GRIK1: variants seen among roughly 807,000 people sequenced by gnomAD.
GRIK1 encodes glutamate ionotropic receptor kainate type subunit 1, also known as glutamate receptor ionotropic, kainate 1.
GRIK1 carries 69 observed loss-of-function variants against 105.7 expected under a neutral mutation model. The observed-to-expected ratio is 0.65, with a 90% CI of 0.54 to 0.80. The LOEUF is 0.80. GRIK1 is among the 30% of genes least tolerant of loss of function. The probability of loss-of-function intolerance (pLI) is 0.00; values close to 1 mark genes in which losing one functional copy is unlikely to be tolerated. For synonymous variants in GRIK1, 438 were observed against 431.3 expected, an observed-to-expected ratio of 1.02 and a Z score of -0.19; for missense variants, 1,109 against 1,167.3, an observed-to-expected ratio of 0.95 and a Z score of 0.73.
intron 1 of GRIK1, among the ~76,000 whole-genome samples, chr21:29,710,954 G>T (rs111331928): frequency 4.6e-5 from 7 of 151,276 alleles, no homozygotes; most frequent in African/African-American, 1.7e-4. Context: ...CCCATTCTTG[G>T]ATTGTCGCCT....
intron 4 of GRIK1, among the ~76,000 whole-genome samples, chr21:29,659,748 G>C (rs1165253820): frequency 1.3e-5 from 2 of 152,156 alleles, no homozygotes. Flanking sequence ...ATCACCTGAG[G>C]TCGGGAGTTC....
At chr21:29,676,875 A>G (rs1601429562) in intron 3 of GRIK1, among the ~76,000 whole-genome samples, 1 of 152,202 alleles carries the variant, frequency 6.6e-6, no homozygotes, top group Non-Finnish European at 1.5e-5. Flanking sequence ...GCCATGAGTG[A>G]TCCTGGGACA....
chr21:29,703,534 T>C (rs1337279023), intron 1 of GRIK1, among the ~76,000 whole-genome samples: 2 of 152,266 alleles, frequency 1.3e-5, no homozygotes, highest in African/African-American at 2.4e-5. Context: ...ATTCCAAGGC[T>C]ACAGATTTAA....
At chr21:29,848,779 A>ATATATATATATATATATATAT in intron 1 of GRIK1, among the ~76,000 whole-genome samples, 8 of 77,882 alleles carry the variant, frequency 1.0e-4, no homozygotes, top group African/African-American at 3.5e-4. Flanking sequence ...ATATATATAT[A>ATATATATATATATATATATAT]TTTTTTTTTT....
At chr21:29,701,778 T>C (rs1247621506) in intron 1 of GRIK1, among the ~76,000 whole-genome samples, 12 of 152,156 alleles carry the variant, frequency 7.9e-5, no homozygotes, top group Admixed American at 4.6e-4. Context: ...TGAGAGATGA[T>C]GATGGCTTTG....
intron 8 of GRIK1, chr21:29,596,848 G>C: frequency 2.2e-6 from 1 of 448,138 alleles, no homozygotes; most frequent in Non-Finnish European, 4.1e-6. Flanking sequence ...AATGTATACA[G>C]GTATGCTGCA....
chr21:29,575,932 T>G (rs1471471118), intron 14 of GRIK1, among the ~76,000 whole-genome samples: 1 of 152,232 alleles, frequency 6.6e-6, no homozygotes, highest in Non-Finnish European at 1.5e-5. Context: ...AACTCCATTT[T>G]TGGTAATCTG....
intron 1 of GRIK1, among the ~76,000 whole-genome samples, chr21:29,698,186 G>A (rs1271362054): frequency 6.6e-6 from 1 of 152,024 alleles, no homozygotes; most frequent in Non-Finnish European, 1.5e-5. Context: ...TTCATTTGGA[G>A]GCCCATTGGT....
chr21:29,707,466 C>CCTTCCTTCCTTCCTTCCTTCCTTCCTT, intron 1 of GRIK1, among the ~76,000 whole-genome samples: 1 of 15,432 alleles, frequency 6.5e-5, no homozygotes, highest in African/African-American at 1.3e-4. Flanking sequence ...CTCCCTCCCT[C>CCTTCCTTCCTTCCTTCCTTCCTTCCTT]CCTCCCTCTC....
chr21:29,575,336 C>A (rs1373646405), intron 14 of GRIK1, among the ~76,000 whole-genome samples: 1 of 151,860 alleles, frequency 6.6e-6, no homozygotes, highest in Non-Finnish European at 1.5e-5. Flanking sequence ...GGTGGCAGGG[C>A]TGACAGATGA....
At position 29,846,442 on chromosome 21, in the gene GRIK1, AAG is replaced by A. The variant is rs2068116410; in HGVS notation, c.118+92939_118+92940del. ...GAAAGAAAAAAATAAAGAAGGAAAG[AAG>A]GAAAGAAGGAAAGAGAGAGAGAAAG... On this transcript the variant is annotated intron_variant, in intron 1 of 17. Transcript: ENST00000327783. Among the ~76,000 whole-genome samples the A allele has an allele frequency of 2.4e-5, 3 of 127,296 alleles. No individual in the cohort carries two copies. The South Asian group carries it at 7.8e-4, about 33-fold the overall frequency. 83.5% of individuals were successfully genotyped at this position (127,296 alleles called of 152,430 possible).
intron 1 of GRIK1, among the ~76,000 whole-genome samples, chr21:29,721,630 G>C (rs1163221169): frequency 6.6e-6 from 1 of 151,744 alleles, no homozygotes; most frequent in East Asian, 1.9e-4. Context: ...AAGAAGAAGA[G>C]GTAGGAAATA....
At chr21:29,858,405 G>T (rs560598931) in intron 1 of GRIK1, among the ~76,000 whole-genome samples, 102 of 152,210 alleles carry the variant, frequency 6.7e-4, no homozygotes, top group Non-Finnish European at 1.1e-3. Context: ...GGCTCCCAGT[G>T]TCTCCCTGGA....
At chr21:29,589,191 C>T in intron 10 of GRIK1, 149 bp from the exon 11 acceptor site, 1 of 605,206 alleles carries the variant, frequency 1.7e-6, no homozygotes, top group South Asian at 2.0e-5. Context: ...CCTATGTCCT[C>T]TATAAATACA....
At chr21:29,828,854 C>G (rs1281974631) in intron 1 of GRIK1, among the ~76,000 whole-genome samples, 1 of 152,110 alleles carries the variant, frequency 6.6e-6, no homozygotes, top group Non-Finnish European at 1.5e-5. Flanking sequence ...ATATTAGCCC[C>G]ATTTACAGAT....
rs2061310114 is a variant in GRIK1 at position 29,590,010 on chromosome 21, C to T, written c.1366-968G>A. Among the ~76,000 whole-genome samples, 2 of 152,138 alleles carry T rather than the reference C, an allele frequency of 1.3e-5. 1 individual carries two copies. ...GCTTATATACGTGCATCATCAGTCC[C>T]CTCTCCTATAAATAATGGACACTTC... On this transcript the variant is annotated intron_variant, in intron 10 of 17. Transcript: ENST00000327783.
intron 4 of GRIK1, among the ~76,000 whole-genome samples, chr21:29,663,484 A>C (rs946602351): frequency 6.6e-6 from 1 of 152,148 alleles, no homozygotes; most frequent in African/African-American, 2.4e-5. Flanking sequence ...AAGAATTCAG[A>C]CCTACCTTGA....
At chr21:29,550,387 C>T (rs906679217) in intron 16 of GRIK1, among the ~76,000 whole-genome samples, 2 of 152,180 alleles carry the variant, frequency 1.3e-5, no homozygotes, top group African/African-American at 4.8e-5. Context: ...GGCTCTACCT[C>T]TGCAATCAAT....
At chr21:29,651,946 A>C (rs1362034118) in intron 5 of GRIK1, among the ~76,000 whole-genome samples, 1 of 152,144 alleles carries the variant, frequency 6.6e-6, no homozygotes, top group Non-Finnish European at 1.5e-5. Context: ...TGCTGCCCTA[A>C]AAATTCTAGG....
Sources: gnomAD v4.1 joint callset for allele counts (sites outside exome capture counted in the v4.1 genomes callset) on GRCh38, gnomAD v4.1.1 for gene constraint, MANE v1.5 for transcripts, NCBI Gene and HGNC (gene_info 2026-07-23, HGNC 2026-07-21) for gene names.